The following PHF5A variants were observed in gnomAD, a reference collection of about 807,000 sequenced individuals.
The protein encoded by PHF5A is PHD finger-like domain-containing protein 5A.
For missense variants in PHF5A, 24 were observed against 140.6 expected (o/e 0.17, Z 4.19); for synonymous variants, 52 against 46.0 (o/e 1.13, Z -0.52).
At chr22:41,467,691 G>A (rs897662986) in intron 2 of PHF5A, 77 bp from the exon 3 acceptor site, 12 of 811,906 alleles carry the variant, frequency 1.5e-5, no homozygotes, top group Admixed American at 1.2e-4. Context: ...AAATATACTA[G>A]TCTCCTGGGA....
chr22:41,460,674 G>A (rs886231330), intron 3 of PHF5A, among the ~76,000 whole-genome samples, 187 bp from the exon 4 acceptor site: 2 of 150,696 alleles, frequency 1.3e-5, no homozygotes, highest in Admixed American at 6.6e-5. Context: ...CCTGTGAATA[G>A]CCAGCTACTG....
chr22:41,459,942 T>C lies in PHF5A; in HGVS notation c.*456A>G, dbSNP rs944893073. On this transcript the variant is annotated 3_prime_UTR_variant, in exon 4 of 4. Transcript: ENST00000216252. ...CCAAAAAAAACGGGAAATGCCTACA[T>C]TTCTTGTTCTGATAGCTTCCCACCA... 5.3e-5 allele frequency: 6 copies of C among 113,268 alleles called. No homozygotes were observed. The East Asian group carries it at 1.5e-3, about 28-fold the overall frequency. 7.0% of individuals were successfully genotyped at this position (113,268 alleles called of 1,614,324 possible).
intron 3 of PHF5A, among the ~76,000 whole-genome samples, chr22:41,465,256 C>T (rs893589309): frequency 6.6e-6 from 1 of 151,516 alleles, no homozygotes; most frequent in Non-Finnish European, 1.5e-5. Flanking sequence ...CAGCTGACTG[C>T]AACCTCTGCC....
At chr22:41,464,503 A>C (rs899184237) in intron 3 of PHF5A, among the ~76,000 whole-genome samples, 3 of 152,224 alleles carry the variant, frequency 2.0e-5, no homozygotes, top group Non-Finnish European at 4.4e-5. Context: ...ATTCCATCTC[A>C]AATGTCCTCA....
intron 3 of PHF5A, among the ~76,000 whole-genome samples, chr22:41,463,235 TTAAC>T (rs2037839528): frequency 6.6e-6 from 1 of 151,814 alleles, no homozygotes; most frequent in Non-Finnish European, 1.5e-5. Flanking sequence ...TTAATTTACA[TTAAC>T]TTTTAACCTT....
chr22:41,467,452 T>C lies in PHF5A; in HGVS notation c.239A>G (p.Lys80Arg), dbSNP rs1336474441. 1 of 1,613,804 alleles carries C rather than the reference T, an allele frequency of 6.2e-7. No homozygotes were observed. The highest frequency in any genetic ancestry group is 8.5e-7 in the Non-Finnish European group (1 of 1,180,008). The change falls in exon 3 of 4, where the codon AAG becomes AGG. Residue 80 changes from lysine to arginine, a missense_variant. Physicochemically the swap from Lys to Arg is conservative, Grantham distance 26 (BLOSUM62 2). Coordinates refer to ENST00000216252, the MANE Select transcript of PHF5A (RefSeq NM_032758.4). ...GATGGAAAGCTGTACACTTACGTCC[T>C]TCTCCTGGATGGTGCACTCCTTACA... ...YYCKECTIQE[K>R]DRDGCPKIVN...
chr22:41,459,816 T>C lies in PHF5A; in HGVS notation c.*582A>G, dbSNP rs2037812049. 1 of 151,382 alleles carries C rather than the reference T, an allele frequency of 6.6e-6. No individual in the cohort carries two copies. The highest frequency in any genetic ancestry group is 2.4e-5 in the African/African-American group (1 of 41,158). The allele number at this position is 151,382 out of a possible 1,614,324, so 9.4% of individuals were successfully genotyped here. ...ATATGAGACTAGTGGGCTATGATGATGCCTGTGAATAGCCAGCTACTGTAC... is the reference window on the plus strand; with the variant it reads ...ATATGAGACTAGTGGGCTATGATGACGCCTGTGAATAGCCAGCTACTGTAC... On this transcript the variant is annotated 3_prime_UTR_variant, in exon 4 of 4. Transcript: ENST00000216252.
At chr22:41,465,561 T>C (rs1375059426) in intron 3 of PHF5A, among the ~76,000 whole-genome samples, 1 of 152,024 alleles carries the variant, frequency 6.6e-6, no homozygotes, top group Non-Finnish European at 1.5e-5. Flanking sequence ...GCCTTCACCA[T>C]GGGCACATCC....
intron 3 of PHF5A, among the ~76,000 whole-genome samples, chr22:41,461,982 G>A (rs1021454394): frequency 5.8e-4 from 88 of 152,226 alleles, no homozygotes; most frequent in African/African-American, 2.0e-3. Flanking sequence ...AATACCATAG[G>A]AGACTAATGG....
chr22:41,462,463 C>G (rs1484433716), intron 3 of PHF5A, among the ~76,000 whole-genome samples: 1 of 152,194 alleles, frequency 6.6e-6, no homozygotes, highest in Non-Finnish European at 1.5e-5. Flanking sequence ...TTGAGCACTT[C>G]CATCTCTGAA....
At chr22:41,468,222 T>G in intron 1 of PHF5A, 75 bp from the exon 2 acceptor site, 1 of 1,472,208 alleles carries the variant, frequency 6.8e-7, no homozygotes, top group Non-Finnish European at 9.5e-7. Context: ...ATCCTCGAGC[T>G]GGGGGTAGGG....
intron 3 of PHF5A, among the ~76,000 whole-genome samples, chr22:41,466,357 CA>C (rs1344801644): frequency 6.6e-6 from 1 of 151,818 alleles, no homozygotes; most frequent in Non-Finnish European, 1.5e-5. Flanking sequence ...TGTCAAGGGA[CA>C]AAAAAAATCA....
chr22:41,466,994 AAAAAAACAAAAAACAAGAAGC>A (rs2037871104), intron 3 of PHF5A, among the ~76,000 whole-genome samples: 2 of 150,516 alleles, frequency 1.3e-5, no homozygotes, highest in Non-Finnish European at 3.0e-5. Context: ...ACCCCATCTC[AAAAAAACAAAAAACAAGAAGC>A]AAAAAACAAA....
intron 3 of PHF5A, among the ~76,000 whole-genome samples, chr22:41,464,428 A>C (rs1313396148): frequency 3.9e-5 from 6 of 152,236 alleles, no homozygotes; most frequent in Non-Finnish European, 7.3e-5. Context: ...TAAGGCTGAG[A>C]GCCTGGATCA....
intron 1 of PHF5A, 90 bp downstream of exon 1, chr22:41,468,512 C>A: frequency 6.3e-6 from 9 of 1,431,474 alleles, no homozygotes; most frequent in Non-Finnish European, 8.8e-6. Flanking sequence ...GCCTGCGAGG[C>A]AAGCCCCTAA....
chr22:41,468,458 C>A, intron 1 of PHF5A, 144 bp downstream of exon 1: 2 of 930,716 alleles, frequency 2.1e-6, no homozygotes, highest in South Asian at 1.6e-5. Context: ...CACAAACCTG[C>A]GCGCTCCTAC....
At chr22:41,468,577 A>T in intron 1 of PHF5A, 25 bp downstream of exon 1, 1 of 1,612,458 alleles carries the variant, frequency 6.2e-7, no homozygotes, top group East Asian at 2.2e-5. Flanking sequence ...CTGCCCAGAC[A>T]GCCAGGGGTA....
In PHF5A at chr22:41,467,769, C is replaced by A. The variant is rs73887725; in HGVS notation, c.77-155G>T. Reference sequence around the variant, plus strand: ...CTTGGCATCACAAAACTTGGTTTCCCCAGTGTCCATCTCAAGCCCCTCAAC... The same window carrying A: ...CTTGGCATCACAAAACTTGGTTTCCACAGTGTCCATCTCAAGCCCCTCAAC... On this transcript the variant is annotated intron_variant, in intron 2 of 3. Transcript: ENST00000216252. 8.4e-3 allele frequency among the ~76,000 whole-genome samples: 1,284 copies of A among 152,252 alleles called. 14 individuals carry two copies. Among genetic ancestry groups the A allele is most frequent in the African/African-American group, 0.03 (1,246 of 41,546 alleles).
intron 3 of PHF5A, among the ~76,000 whole-genome samples, chr22:41,464,335 C>A (rs2146061785): frequency 6.6e-6 from 1 of 152,222 alleles, no homozygotes; most frequent in South Asian, 2.1e-4. Context: ...TGCAGGAAGA[C>A]AATAATAACA....
Sources: gnomAD v4.1 joint callset for allele counts (sites outside exome capture counted in the v4.1 genomes callset) on GRCh38, gnomAD v4.1.1 for gene constraint, MANE v1.5 for transcripts, NCBI Gene and HGNC (gene_info 2026-07-23, HGNC 2026-07-21) for gene names.